Variants in DAB1 observed in about 807,000 individuals in gnomAD.
DAB1 encodes DAB adaptor protein 1, also known as disabled homolog 1.
A neutral mutation model predicts 64.6 loss-of-function variants in DAB1; 15 were observed. The observed-to-expected ratio is 0.23, with a 90% CI of 0.16 to 0.36. DAB1 has a LOEUF of 0.36. Among genes scored for constraint, DAB1 ranks in the 10% least tolerant of loss-of-function variants. The pLI is 1.00. For synonymous variants in DAB1, 235 were observed against 251.9 expected, an observed-to-expected ratio of 0.93 and a Z score of 0.64; for missense variants, 596 against 706.7, an observed-to-expected ratio of 0.84 and a Z score of 1.78.
At chr1:58,250,494 T>A (rs1457385018) in intron 4 of DAB1, among the ~76,000 whole-genome samples, 1 of 152,170 alleles carries the variant, frequency 6.6e-6, no homozygotes, top group Non-Finnish European at 1.5e-5. Flanking sequence ...GCAGCAGCAG[T>A]AGAGATAGTG....
Position 57,439,418 on chromosome 1 carries a change from G to GTTTT in DAB1, n.626-148256_626-148253dup. On this transcript the variant is annotated intron_variant and non_coding_transcript_variant, in intron 7 of 20. Transcript: ENST00000485760. ...GCCATGCCATCAACTTGGTGATGAG[G>GTTTT]TTTTTTCTTTTTTTTTTTTTTTTTT... Among the ~76,000 whole-genome samples, 89 of 116,096 alleles carry GTTTT rather than the reference G, an allele frequency of 7.7e-4. 2 individuals carry two copies. The highest frequency in any genetic ancestry group is 9.5e-4 in the African/African-American group (27 of 28,292). The allele number at this position is 116,096 out of a possible 152,430, so 76.2% of individuals were successfully genotyped here. A position where few individuals can be genotyped will look rare whatever the true frequency, so the allele number is the denominator to read the frequency against.
chr1:57,581,042 T>A (rs1474444889), intron 7 of DAB1, among the ~76,000 whole-genome samples: 1 of 152,240 alleles, frequency 6.6e-6, no homozygotes, highest in East Asian at 1.9e-4. Context: ...CTGACCTGTG[T>A]GTGGGGCCCT....
At chr1:57,276,533 T>C (rs1303960287) in intron 2 of DAB1, among the ~76,000 whole-genome samples, 3 of 152,198 alleles carry the variant, frequency 2.0e-5, no homozygotes, top group African/African-American at 7.2e-5. Flanking sequence ...TAAAATATGT[T>C]TGTAATGTGA....
intron 9 of DAB1, among the ~76,000 whole-genome samples, chr1:57,056,168 A>G (rs1183471277): frequency 6.6e-6 from 1 of 152,016 alleles, no homozygotes; most frequent in Non-Finnish European, 1.5e-5. Flanking sequence ...CCATATTTTG[A>G]ACCATTAGAA....
At chr1:58,112,004 A>C (rs541671224) in intron 5 of DAB1, among the ~76,000 whole-genome samples, 43 of 152,290 alleles carry the variant, frequency 2.8e-4, no homozygotes, top group African/African-American at 1.0e-3. Flanking sequence ...CCATCCGTCT[A>C]ACTCTGTCAT....
At chr1:58,101,311 C>T (rs942747804) in intron 5 of DAB1, among the ~76,000 whole-genome samples, 11 of 151,850 alleles carry the variant, frequency 7.2e-5, no homozygotes, top group South Asian at 2.1e-4. Context: ...AGCGAGACTC[C>T]GTCTCAAAAA....
At chr1:57,382,343 T>C (rs949015430) in intron 1 of DAB1, among the ~76,000 whole-genome samples, 13 of 152,190 alleles carry the variant, frequency 8.5e-5, no homozygotes, top group African/African-American at 3.1e-4. Flanking sequence ...GATGAATCCT[T>C]ACCTCCCAAT....
chr1:58,176,282 C>G (rs1324211570), intron 4 of DAB1, among the ~76,000 whole-genome samples: 1 of 152,090 alleles, frequency 6.6e-6, no homozygotes, highest in East Asian at 1.9e-4. Context: ...GGCAAAAAGT[C>G]TATAATTTAA....
chr1:57,874,521 C>T (rs796852576), intron 1 of DAB1, among the ~76,000 whole-genome samples: 17 of 152,204 alleles, frequency 1.1e-4, no homozygotes, highest in African/African-American at 4.1e-4. Flanking sequence ...GCTATTAGAC[C>T]AAACATGAAG....
intron 4 of DAB1, among the ~76,000 whole-genome samples, chr1:58,234,356 T>C (rs1659917001): frequency 6.6e-6 from 1 of 152,198 alleles, no homozygotes; most frequent in Admixed American, 6.5e-5. Flanking sequence ...CTGGCATACC[T>C]TGCAGTAGGT....
chr1:57,247,522 G>T (rs146096526), intron 2 of DAB1, among the ~76,000 whole-genome samples: 1 of 152,102 alleles, frequency 6.6e-6, no homozygotes, highest in Admixed American at 6.5e-5. Context: ...TTATAGCAGC[G>T]TGAGAACAGA....
chr1:57,856,528 C>T (rs558030414), intron 1 of DAB1, among the ~76,000 whole-genome samples: 2 of 152,176 alleles, frequency 1.3e-5, no homozygotes, highest in Non-Finnish European at 2.9e-5. Context: ...TTTGGGAGGC[C>T]GAGGCGAGCA....
At chr1:58,145,891 T>G (rs1187975058) in intron 5 of DAB1, among the ~76,000 whole-genome samples, 1 of 152,180 alleles carries the variant, frequency 6.6e-6, no homozygotes, top group Non-Finnish European at 1.5e-5. Flanking sequence ...TACACATAGA[T>G]TTTCTTCTAC....
At chr1:57,699,248 T>C (rs1257138074) in intron 6 of DAB1, among the ~76,000 whole-genome samples, 1 of 152,178 alleles carries the variant, frequency 6.6e-6, no homozygotes, top group Non-Finnish European at 1.5e-5. Context: ...CCTCTATATA[T>C]AATAGTAACT....
chr1:58,187,403 G>A (rs369989354), intron 4 of DAB1, among the ~76,000 whole-genome samples: 12 of 151,272 alleles, frequency 7.9e-5, no homozygotes, highest in Admixed American at 5.3e-4. Context: ...CTTGAGCCTC[G>A]GAGTTTAGGT....
intron 1 of DAB1, among the ~76,000 whole-genome samples, chr1:57,387,800 T>A (rs1375580414): frequency 7.9e-6 from 1 of 127,384 alleles, no homozygotes; most frequent in East Asian, 2.2e-4. Context: ...CCAGCCTGGG[T>A]GACAGAGCAA....
chr1:57,377,597 A>G (rs758469679), intron 1 of DAB1, among the ~76,000 whole-genome samples: 12 of 152,200 alleles, frequency 7.9e-5, no homozygotes, highest in Non-Finnish European at 1.5e-4. Flanking sequence ...CAAATTAGGC[A>G]ATGCAGAGGA....
intron 7 of DAB1, among the ~76,000 whole-genome samples, chr1:57,452,422 A>G (rs1455592857): frequency 1.3e-5 from 2 of 152,122 alleles, no homozygotes; most frequent in Non-Finnish European, 1.5e-5. Context: ...CAGCATGACC[A>G]GGACATTTTT....
intron 6 of DAB1, among the ~76,000 whole-genome samples, chr1:57,697,199 T>C (rs758614341): frequency 3.9e-5 from 6 of 152,014 alleles, no homozygotes; most frequent in Admixed American, 1.3e-4. Context: ...AGATATCTAA[T>C]GAAGATCTGT....
Sources: gnomAD v4.1 joint callset for allele counts (sites outside exome capture counted in the v4.1 genomes callset) on GRCh38, gnomAD v4.1.1 for gene constraint, MANE v1.5 for transcripts, NCBI Gene and HGNC (gene_info 2026-07-23, HGNC 2026-07-21) for gene names.